Variants in EPB41L4A observed in about 807,000 individuals in gnomAD.
EPB41L4A encodes the protein band 4.1-like protein 4A.
Under a neutral mutation model 108.6 loss-of-function variants are expected in EPB41L4A, and 100 were observed. The observed-to-expected ratio is 0.92, with a 90% CI of 0.78 to 1.09. The LOEUF is 1.09. Among genes scored for constraint, EPB41L4A ranks in the 50% least tolerant of loss-of-function variants. EPB41L4A has a pLI of 0.00. For synonymous variants in EPB41L4A, 319 were observed against 289.0 expected (o/e 1.10, Z -1.05); for missense variants, 1,030 against 842.7 (o/e 1.22, Z -2.75).
chr5:112,156,992 C>A (rs1013409306), intron 12 of EPB41L4A, among the ~76,000 whole-genome samples: 1 of 151,904 alleles, frequency 6.6e-6, no homozygotes, highest in Non-Finnish European at 1.5e-5. Context: ...ATGGTGTCTG[C>A]GTGGTGATAT....
At chr5:112,348,846 C>T (rs1757854165) in intron 1 of EPB41L4A, among the ~76,000 whole-genome samples, 1 of 152,196 alleles carries the variant, frequency 6.6e-6, no homozygotes, top group Non-Finnish European at 1.5e-5. Context: ...CCATTCAATA[C>T]TGTTACTACG....
At chr5:112,375,247 G>A (rs541144015) in intron 1 of EPB41L4A, among the ~76,000 whole-genome samples, 3 of 151,862 alleles carry the variant, frequency 2.0e-5, no homozygotes, top group South Asian at 4.2e-4. Context: ...GGATGATCAC[G>A]TTGTCCCTTC....
intron 2 of EPB41L4A, among the ~76,000 whole-genome samples, chr5:112,300,695 G>A (rs1754295817): frequency 1.3e-5 from 2 of 152,090 alleles, no homozygotes; most frequent in Non-Finnish European, 2.9e-5. Flanking sequence ...TAGGTCTTTA[G>A]CAAGGCTGGG....
At chr5:112,302,578 C>T (rs367594618) in intron 2 of EPB41L4A, among the ~76,000 whole-genome samples, 1 of 152,164 alleles carries the variant, frequency 6.6e-6, no homozygotes, top group African/African-American at 2.4e-5. Context: ...GGTACTATTA[C>T]TATCTTCACT....
rs183929582 is a variant in EPB41L4A at position 112,286,944 on chromosome 5, G to A, written c.205-6621C>T. On this transcript the variant is annotated intron_variant, in intron 2 of 22. Coordinates refer to ENST00000261486, the MANE Select transcript of EPB41L4A (RefSeq NM_022140.5). ...TAGTATTTACTGCAATTACCTCCAC[G>A]TTGTTCCATCATCCATGTTCTTGAA... Among the ~76,000 whole-genome samples, 776 of 151,382 alleles carry A rather than the reference G, an allele frequency of 5.1e-3. 12 individuals carry two copies. Among genetic ancestry groups the A allele is most frequent in the African/African-American group, 0.018 (748 of 41,252 alleles).
At chr5:112,262,386 T>C (rs1038979755) in intron 7 of EPB41L4A, 108 bp downstream of exon 7, 4 of 856,612 alleles carry the variant, frequency 4.7e-6, no homozygotes, top group South Asian at 1.5e-5. Flanking sequence ...AAAAGTATCA[T>C]CTGCTTGCTA....
rs145223753 is a variant in EPB41L4A at position 112,235,018 on chromosome 5, G to C, written c.966-263C>G. 5.0e-3 allele frequency among the ~76,000 whole-genome samples: 769 copies of C among 152,286 alleles called. 18 individuals are homozygous for C. In the South Asian group the frequency reaches 0.055, roughly 11 times the overall value. On this transcript the variant is annotated intron_variant, in intron 11 of 22. Coordinates refer to ENST00000261486, the MANE Select transcript of EPB41L4A (RefSeq NM_022140.5). ...TTAAAGGAGGAATTAGATTTCAGTA[G>C]AATGATGGGCTAGAAATAAAGGTTG... is the stretch of plus-strand genomic sequence containing the variant.
intron 9 of EPB41L4A, among the ~76,000 whole-genome samples, chr5:112,254,510 C>T (rs1407231961): frequency 6.6e-6 from 1 of 152,082 alleles, no homozygotes; most frequent in Non-Finnish European, 1.5e-5. Flanking sequence ...ATGTAACACC[C>T]AATTTCCCCG....
At chr5:112,231,167 T>C (rs1748889453) in intron 12 of EPB41L4A, among the ~76,000 whole-genome samples, 1 of 152,210 alleles carries the variant, frequency 6.6e-6, no homozygotes, top group Non-Finnish European at 1.5e-5. Context: ...AATTAAAGAT[T>C]GGTTGAATTG....
At chr5:112,382,315 T>G (rs546719684) in intron 1 of EPB41L4A, among the ~76,000 whole-genome samples, 23 of 152,024 alleles carry the variant, frequency 1.5e-4, no homozygotes, top group African/African-American at 5.5e-4. Context: ...TTCTAACCAA[T>G]AATGGTTAGA....
chr5:112,190,552 G>A (rs1761644579), intron 17 of EPB41L4A, among the ~76,000 whole-genome samples: 1 of 152,194 alleles, frequency 6.6e-6, no homozygotes, highest in Admixed American at 6.5e-5. Context: ...GGAAGAGGAT[G>A]GAGGAGAGGA....
chr5:112,419,377 A>C, upstream of EPB41L4A: 1 of 357,352 alleles, frequency 2.8e-6, no homozygotes, highest in Non-Finnish European at 5.4e-6. Flanking sequence ...GGACGACAAA[A>C]GTCTCCTGGC....
intron 1 of EPB41L4A, among the ~76,000 whole-genome samples, chr5:112,375,356 C>A (rs928278555): frequency 7.0e-6 from 1 of 143,020 alleles, no homozygotes; most frequent in Non-Finnish European, 1.5e-5. Context: ...CACACACACA[C>A]CCCTTCCTCT....
chr5:112,346,450 C>T (rs754806422), intron 1 of EPB41L4A, among the ~76,000 whole-genome samples: 1 of 151,972 alleles, frequency 6.6e-6, no homozygotes, highest in Non-Finnish European at 1.5e-5. Context: ...TCTCAAACTC[C>T]TGACTTTGTG....
At chr5:112,406,049 T>C (rs1244751636) in intron 1 of EPB41L4A, among the ~76,000 whole-genome samples, 1 of 152,166 alleles carries the variant, frequency 6.6e-6, no homozygotes, top group African/African-American at 2.4e-5. Context: ...TCAAAACATA[T>C]TTATCTTCAA....
intron 1 of EPB41L4A, among the ~76,000 whole-genome samples, chr5:112,348,955 A>G (rs1444879247): frequency 6.6e-6 from 1 of 152,190 alleles, no homozygotes; most frequent in Non-Finnish European, 1.5e-5. Context: ...CTCTGGGGAG[A>G]CAATGTACAG....
At chr5:112,181,222 CG>C (rs1483412143) in intron 18 of EPB41L4A, among the ~76,000 whole-genome samples, 32 of 152,082 alleles carry the variant, frequency 2.1e-4, no homozygotes, top group Non-Finnish European at 2.9e-5. Context: ...GAGGCCGAGG[CG>C]GGCGGATCAC....
At chr5:112,203,089 G>A (rs1017941751) in intron 15 of EPB41L4A, among the ~76,000 whole-genome samples, 8 of 152,032 alleles carry the variant, frequency 5.3e-5, no homozygotes, top group Admixed American at 2.6e-4. Context: ...AAAAGAGGCC[G>A]GGCGCGGTGA....
intron 1 of EPB41L4A, among the ~76,000 whole-genome samples, chr5:112,391,306 A>G (rs1348204790): frequency 3.3e-5 from 5 of 152,182 alleles, no homozygotes; most frequent in Admixed American, 6.5e-5. Flanking sequence ...TTGCAAACCC[A>G]TCGCAAGGAA....
Sources: allele counts gnomAD v4.1 joint callset (sites outside exome capture counted in the v4.1 genomes callset), GRCh38; gene constraint gnomAD v4.1.1; transcripts MANE v1.5; gene names NCBI Gene and HGNC (gene_info 2026-07-23, HGNC 2026-07-21).